LSAMP: variants seen among roughly 807,000 people sequenced by gnomAD.
The protein encoded by LSAMP is limbic system associated membrane protein.
Under a neutral mutation model 38.6 loss-of-function variants are expected in LSAMP, and 7 were observed. The observed-to-expected ratio is 0.18, with a 90% CI of 0.10 to 0.34. The LOEUF (loss-of-function observed/expected upper bound fraction) is 0.34. Ranked by LOEUF, LSAMP falls within the 10% of genes least tolerant of loss-of-function variation. The pLI, the probability that LSAMP is intolerant of heterozygous loss-of-function variation, is 1.00. For synonymous variants in LSAMP, 154 were observed against 166.8 expected, an observed-to-expected ratio of 0.92 and a Z score of 0.59; for missense variants, 313 against 420.0, an observed-to-expected ratio of 0.75 and a Z score of 2.23.
chr3:115,950,385 G>C (rs1938242188), intron 3 of LSAMP, among the ~76,000 whole-genome samples: 1 of 151,996 alleles, frequency 6.6e-6, no homozygotes, highest in African/African-American at 2.4e-5. Flanking sequence ...ATTCAGTAAA[G>C]TCTCAGGATA....
chr3:115,841,485 C>T (rs1934994068), intron 6 of LSAMP: 1 of 165,528 alleles, frequency 6.0e-6, no homozygotes, highest in African/African-American at 2.4e-5. Flanking sequence ...AAACAAAAAA[C>T]ACTGTTATCC....
At chr3:115,901,671 AT>A (rs1381687086) in intron 3 of LSAMP, among the ~76,000 whole-genome samples, 14 of 152,200 alleles carry the variant, frequency 9.2e-5, no homozygotes, top group Admixed American at 7.2e-4. Context: ...AATATTTAAC[AT>A]CCAATTAATT....
intron 3 of LSAMP, among the ~76,000 whole-genome samples, chr3:115,870,150 C>T (rs910852998): frequency 9.2e-5 from 14 of 152,126 alleles, no homozygotes; most frequent in Non-Finnish European, 2.1e-4. Context: ...TCTATGGCTG[C>T]TTTCAGTTAC....
chr3:116,445,088 G>A lies in LSAMP; in HGVS notation c.-57C>T. ...TGCTCTGGAGGGGTGCGCGCTGCTC[G>A]CGAGGAGAGGCTTCACCAACACGGG... On this transcript the variant is annotated 5_prime_UTR_variant, in exon 1 of 7. Coordinates refer to ENST00000490035, the MANE Select transcript of LSAMP (RefSeq NM_002338.5). 1 of 1,535,150 alleles carries A rather than the reference G, an allele frequency of 6.5e-7. No homozygotes were observed. Among genetic ancestry groups the A allele is most frequent in the East Asian group, 2.3e-5 (1 of 44,086 alleles).
chr3:115,878,702 T>A (rs1936249102), intron 3 of LSAMP, among the ~76,000 whole-genome samples: 1 of 151,906 alleles, frequency 6.6e-6, no homozygotes. Flanking sequence ...CCTCAAGAGA[T>A]CCACCTGCCT....
chr3:116,018,195 T>C (rs1940539837), intron 3 of LSAMP, among the ~76,000 whole-genome samples: 1 of 152,110 alleles, frequency 6.6e-6, no homozygotes, highest in Non-Finnish European at 1.5e-5. Context: ...GGGTTTTGAG[T>C]GACACTTTCT....
At chr3:115,868,398 A>G (rs1935920968) in intron 3 of LSAMP, among the ~76,000 whole-genome samples, 1 of 152,136 alleles carries the variant, frequency 6.6e-6, no homozygotes, top group African/African-American at 2.4e-5. Context: ...TGAGAAATCT[A>G]TCCCTCTCTC....
intron 1 of LSAMP, among the ~76,000 whole-genome samples, chr3:116,282,967 C>G (rs2047146134): frequency 6.6e-6 from 1 of 152,080 alleles, no homozygotes; most frequent in Non-Finnish European, 1.5e-5. Context: ...CCTGCTCTTG[C>G]CCACCCATGA....
rs558870029 is a variant in LSAMP at position 115,918,561 on chromosome 3, C to T, written c.515-65944G>A. 3.3e-5 allele frequency among the ~76,000 whole-genome samples: 5 copies of T among 152,260 alleles called. No homozygotes were observed. The South Asian group carries it at 1.0e-3, about 32-fold the overall frequency. On this transcript the variant is annotated intron_variant, in intron 3 of 6. Transcript: ENST00000490035. ...TGGCTGTGATGGAAAGCACAGGAAC[C>T]AGCCCCACAGTCAGCCCAATTATTC...
intron 1 of LSAMP, among the ~76,000 whole-genome samples, chr3:116,301,461 A>C (rs187502636): frequency 1.7e-4 from 26 of 152,338 alleles, no homozygotes; most frequent in African/African-American, 5.8e-4. Flanking sequence ...AGATGATAGA[A>C]GATTGTAGCA....
chr3:116,272,149 A>AATATATATATAT (rs148831827), intron 1 of LSAMP, among the ~76,000 whole-genome samples: 30 of 150,534 alleles, frequency 2.0e-4, no homozygotes, highest in African/African-American at 6.3e-4. Flanking sequence ...TAAACAAATA[A>AATATATATATAT]ATATATATAT....
At chr3:116,422,027 C>T (rs1308952687) in intron 1 of LSAMP, among the ~76,000 whole-genome samples, 3 of 152,154 alleles carry the variant, frequency 2.0e-5, no homozygotes, top group Non-Finnish European at 4.4e-5. Flanking sequence ...ATGCAATCCA[C>T]GTGTCCATTA....
At chr3:116,333,658 C>G (rs1181568331) in intron 1 of LSAMP, among the ~76,000 whole-genome samples, 1 of 151,420 alleles carries the variant, frequency 6.6e-6, no homozygotes, top group Non-Finnish European at 1.5e-5. Flanking sequence ...ATAACACACT[C>G]TTAAATAATC....
At chr3:116,090,231 A>C (rs938050954) in intron 1 of LSAMP, among the ~76,000 whole-genome samples, 1 of 151,542 alleles carries the variant, frequency 6.6e-6, no homozygotes, top group Non-Finnish European at 1.5e-5. Context: ...AAAAAGAAAG[A>C]GAAAGAAAAG....
intron 1 of LSAMP, among the ~76,000 whole-genome samples, chr3:116,160,411 AGAGAGAGG>A (rs919945788): frequency 2.6e-4 from 8 of 30,920 alleles, no homozygotes; most frequent in Admixed American, 2.2e-3. Context: ...AGAAAGAAAG[AGAGAGAGG>A]GAGGGAGGGA....
At chr3:116,423,314 C>T (rs1306626882) in intron 1 of LSAMP, among the ~76,000 whole-genome samples, 1 of 152,136 alleles carries the variant, frequency 6.6e-6, no homozygotes, top group Non-Finnish European at 1.5e-5. Flanking sequence ...GACTTTTATT[C>T]CCAAAGAGGA....
At chr3:116,096,138 T>C (rs1359399630) in intron 1 of LSAMP, among the ~76,000 whole-genome samples, 1 of 152,226 alleles carries the variant, frequency 6.6e-6, no homozygotes, top group Non-Finnish European at 1.5e-5. Flanking sequence ...CTGGATCTAA[T>C]GTGTCCAATA....
At chr3:116,401,286 C>G (rs1187537038) in intron 1 of LSAMP, among the ~76,000 whole-genome samples, 1 of 151,920 alleles carries the variant, frequency 6.6e-6, no homozygotes, top group Non-Finnish European at 1.5e-5. Flanking sequence ...CCCTTGGTGA[C>G]ATTTTTTTTT....
At chr3:116,297,801 TA>T (rs779552718) in intron 1 of LSAMP, among the ~76,000 whole-genome samples, 2 of 152,214 alleles carry the variant, frequency 1.3e-5, no homozygotes, top group Non-Finnish European at 2.9e-5. Context: ...TTTTAGGAAA[TA>T]AATATTCATC....
Sources: allele counts gnomAD v4.1 joint callset (sites outside exome capture counted in the v4.1 genomes callset), GRCh38; gene constraint gnomAD v4.1.1; transcripts MANE v1.5; gene names NCBI Gene and HGNC (gene_info 2026-07-23, HGNC 2026-07-21).